ZSCAN4: variants seen among roughly 807,000 people sequenced by gnomAD.
ZSCAN4 encodes zinc finger and SCAN domain-containing protein 4.
ZSCAN4 carries 18 observed loss-of-function variants against 18.3 expected under a neutral mutation model. The ratio of observed to expected loss-of-function variants is 0.98; its 90% confidence interval spans 0.68 to 1.46. ZSCAN4 has a LOEUF of 1.46. Among genes scored for constraint, ZSCAN4 ranks in the 40% most tolerant of loss-of-function variants. The probability of loss-of-function intolerance (pLI) is 0.00; values close to 1 mark genes in which losing one functional copy is unlikely to be tolerated. For synonymous variants in ZSCAN4, 193 were observed against 180.3 expected (o/e 1.07, Z -0.57); for missense variants, 498 against 511.4 (o/e 0.97, Z 0.25).
chr19:57,652,676 C>A, the ZSCAN4 span, among the ~76,000 whole-genome samples: 1,220 of 152,220 alleles, frequency 8.0e-3, 12 homozygotes, highest in African/African-American at 0.026. Flanking sequence ...CTGTGCCTAA[C>A]ACCCTCCCGC....
upstream of ZSCAN4, among the ~76,000 whole-genome samples, chr19:57,666,143 A>T (rs924686087): frequency 5.9e-5 from 9 of 152,200 alleles, no homozygotes; most frequent in African/African-American, 2.2e-4. Context: ...ATCCTTATGA[A>T]GCAGCCGATG....
chr19:57,678,452 T>G, exon 5 of ZSCAN4: 1 of 1,614,128 alleles, frequency 6.2e-7, no homozygotes, highest in South Asian at 1.1e-5. Flanking sequence ...AGTCCTCCCC[T>G]GAGTCTGCCC....
chr19:57,657,724 A>G, the ZSCAN4 span, among the ~76,000 whole-genome samples: 1 of 152,242 alleles, frequency 6.6e-6, no homozygotes, highest in South Asian at 2.1e-4. Context: ...AAACCTGAAG[A>G]TGTTCTAGTC....
At chr19:57,677,270 G>A (rs548940984) in intron 3 of ZSCAN4, among the ~76,000 whole-genome samples, 4 of 152,238 alleles carry the variant, frequency 2.6e-5, no homozygotes, top group South Asian at 2.1e-4. Context: ...CATCTTCTCC[G>A]TCATTTTCAG....
upstream of ZSCAN4, among the ~76,000 whole-genome samples, chr19:57,665,273 C>A (rs1477950233): frequency 1.3e-5 from 2 of 152,186 alleles, no homozygotes; most frequent in Non-Finnish European, 2.9e-5. Context: ...TGCTAGGATT[C>A]CATTTTCTGT....
chr19:57,677,701 A>G (rs1338353034), intron 3 of ZSCAN4, among the ~76,000 whole-genome samples: 1 of 152,240 alleles, frequency 6.6e-6, no homozygotes, highest in East Asian at 1.9e-4. Context: ...TCCTAGGGGA[A>G]ATGATTCAGT....
At chr19:57,668,588 G>A (rs114870797), upstream of ZSCAN4, among the ~76,000 whole-genome samples, 3,297 of 152,178 alleles carry the variant, frequency 0.022, 133 homozygotes, top group African/African-American at 0.075. Context: ...CCACCCCTTC[G>A]ATACGTTCTC....
the ZSCAN4 span, among the ~76,000 whole-genome samples, chr19:57,654,464 C>T: frequency 9.9e-5 from 15 of 152,216 alleles, no homozygotes; most frequent in African/African-American, 3.6e-4. Flanking sequence ...CTTCTACATT[C>T]CTTTGTCAGC....
chr19:57,662,096 A>G, the ZSCAN4 span, among the ~76,000 whole-genome samples: 1 of 145,864 alleles, frequency 6.9e-6, no homozygotes, highest in East Asian at 2.0e-4. Flanking sequence ...AAAAAAAAGG[A>G]AAAGAAAAAA....
chr19:57,658,766 A>G, the ZSCAN4 span, among the ~76,000 whole-genome samples: 1 of 151,160 alleles, frequency 6.6e-6, no homozygotes, highest in South Asian at 2.1e-4. Flanking sequence ...CCCAGAAGAC[A>G]GAAGTTGCAG....
At chr19:57,664,657 G>C (rs1489162847), upstream of ZSCAN4, 1 of 211,786 alleles carries the variant, frequency 4.7e-6, no homozygotes, top group South Asian at 8.7e-5. Context: ...CGTCTCCTGC[G>C]GAGAATTCCA....
exon 5 of ZSCAN4, chr19:57,678,876 A>G (rs544189666): frequency 1.6e-5 from 25 of 1,609,944 alleles, no homozygotes; most frequent in South Asian, 1.0e-4. Context: ...TACCCTGCCA[A>G]GTGTTCCCTC....
At chr19:57,673,626 T>G (rs1431810739) in intron 2 of ZSCAN4, among the ~76,000 whole-genome samples, 1 of 152,158 alleles carries the variant, frequency 6.6e-6, no homozygotes, top group Non-Finnish European at 1.5e-5. Context: ...ACGGAGACCC[T>G]GTCTCAAAAT....
the ZSCAN4 span, among the ~76,000 whole-genome samples, chr19:57,654,544 A>G: frequency 6.6e-6 from 1 of 152,196 alleles, no homozygotes; most frequent in East Asian, 1.9e-4. Context: ...TGCAAGCCCA[A>G]ATTCTCAAGC....
In ZSCAN4 at chr19:57,676,345, GGATCTTTCACTCATGGCTGCAACCA is replaced by G; in HGVS notation, c.203_227del (p.Ile68LysfsTer12). 1 of 1,614,180 alleles carries G rather than the reference GGATCTTTCACTCATGGCTGCAACCA, an allele frequency of 6.2e-7. No individual in the cohort carries two copies. The highest frequency in any genetic ancestry group is 8.5e-7 in the Non-Finnish European group (1 of 1,180,028). On this transcript the variant is annotated frameshift_variant, in exon 3 of 5. Coordinates refer to ENST00000318203, the Ensembl canonical transcript of ZSCAN4. LOFTEE classifies it high-confidence loss of function. ...AGGCAGGAATTGCAAAGACTTTATAGGATCTTTCACTCATGGCTGCAACCAGAAAAGCACAGCAAGGATGAAATTA... is the reference window on the plus strand; with the variant it reads ...AGGCAGGAATTGCAAAGACTTTATAGGAAAAGCACAGCAAGGATGAAATTA...
intron 2 of ZSCAN4, among the ~76,000 whole-genome samples, chr19:57,672,437 T>C (rs1254032705): frequency 1.3e-5 from 2 of 152,124 alleles, no homozygotes; most frequent in African/African-American, 4.8e-5. Flanking sequence ...TTCATTCACT[T>C]CTTTCTCTTT....
At chr19:57,665,007 C>A, upstream of ZSCAN4, 1 of 166,586 alleles carries the variant, frequency 6.0e-6, no homozygotes, top group South Asian at 1.6e-4. Context: ...CTGGGCTATT[C>A]CATGACTGAC....
chr19:57,673,093 G>A (rs1347379686), intron 2 of ZSCAN4, among the ~76,000 whole-genome samples: 3 of 151,946 alleles, frequency 2.0e-5, no homozygotes, highest in Non-Finnish European at 4.4e-5. Flanking sequence ...CTGTCGCCCA[G>A]GCTGGAGTGC....
chr19:57,673,799 G>T (rs1001998022), intron 2 of ZSCAN4, among the ~76,000 whole-genome samples: 1 of 152,092 alleles, frequency 6.6e-6, no homozygotes, highest in Admixed American at 6.6e-5. Context: ...TGTTGCCTAA[G>T]CTGAAGTGCA....
Sources: allele counts gnomAD v4.1 joint callset (sites outside exome capture counted in the v4.1 genomes callset), GRCh38; gene constraint gnomAD v4.1.1; transcripts MANE v1.5; gene names NCBI Gene and HGNC (gene_info 2026-07-23, HGNC 2026-07-21).